The following PTPN14 variants were observed in gnomAD, a reference collection of about 807,000 sequenced individuals.
PTPN14 encodes the protein protein tyrosine phosphatase non-receptor type 14.
In PTPN14, 53 loss-of-function variants were observed where a neutral mutation model predicts 126.8. That is an observed-to-expected ratio of 0.42 (90% CI 0.34 to 0.53). PTPN14 has a LOEUF of 0.53. Ranked by LOEUF, PTPN14 falls within the 20% of genes least tolerant of loss-of-function variation. The pLI, the probability that PTPN14 is intolerant of heterozygous loss-of-function variation, is 0.08. For synonymous variants in PTPN14, 630 were observed against 599.3 expected (o/e 1.05, Z -0.75); for missense variants, 1,257 against 1,552.9 (o/e 0.81, Z 3.20).
chr1:214,517,938 C>T (rs35943353), intron 1 of PTPN14, among the ~76,000 whole-genome samples: 15,688 of 152,038 alleles, frequency 0.1, 1,167 homozygotes, highest in Non-Finnish European at 0.16. Context: ...GAGAGAGACT[C>T]AATCTCTAAA....
Position 214,472,187 on chromosome 1 carries a change from G to A in PTPN14, c.-154-7230C>T, listed in dbSNP as rs571329727. ...AATCACATGTTGAATTGTAATCCCC[G>A]ATATCAGAGGTGTTCAGGTCATAGG... On this transcript the variant is annotated intron_variant, in intron 1 of 18. Transcript: ENST00000366956. Among the ~76,000 whole-genome samples, 3 of 152,184 alleles carry A rather than the reference G, an allele frequency of 2.0e-5. No individual in the cohort carries two copies. The South Asian group carries it at 6.2e-4, about 32-fold the overall frequency.
At chr1:214,480,036 A>G (rs998985252) in intron 1 of PTPN14, among the ~76,000 whole-genome samples, 1 of 152,220 alleles carries the variant, frequency 6.6e-6, no homozygotes. Flanking sequence ...CTGTTGCATA[A>G]TATTCCAGTG....
chr1:214,365,944 C>G (rs1044189939), intron 17 of PTPN14, among the ~76,000 whole-genome samples: 2 of 152,106 alleles, frequency 1.3e-5, no homozygotes, highest in Admixed American at 6.5e-5. Context: ...GTGGGCGGAT[C>G]ACCTGAGGTC....
chr1:214,479,454 C>T (rs1660936094), intron 1 of PTPN14, among the ~76,000 whole-genome samples: 1 of 151,796 alleles, frequency 6.6e-6, no homozygotes, highest in African/African-American at 2.4e-5. Context: ...ATTCTCCTGC[C>T]TCAGTCTCCC....
chr1:214,384,711 T>C lies in PTPN14; in HGVS notation c.1144A>G (p.Thr382Ala), dbSNP rs200568435. 2 of 1,614,098 alleles carry C rather than the reference T, an allele frequency of 1.2e-6. No individual in the cohort carries two copies. The highest frequency in any genetic ancestry group is 8.5e-7 in the Non-Finnish European group (1 of 1,180,032). Residue 382 changes from threonine to alanine, a missense_variant, in exon 13 of 19, where the codon ACT becomes GCT. Thr to Ala is a moderately conservative substitution (Grantham distance 58). This residue lies in a region of PTPN14 where 1,021 missense variants were observed against 1,183.3 expected (regional missense o/e 0.86). Coordinates refer to ENST00000366956, the MANE Select transcript of PTPN14 (RefSeq NM_005401.5). The surrounding 1 kb of genome is among the most constrained non-coding windows in gnomAD (Gnocchi z 5.3). Reference protein sequence around the residue: ...NSLDLNYLNGTVTNGSVCSVH... With the variant: ...NSLDLNYLNGAVTNGSVCSVH... ...CTACACACGCTGCCATTGGTGACAGTGCCATTTAAATAATTTAAGTCCAGG... is the reference window on the plus strand; with the variant it reads ...CTACACACGCTGCCATTGGTGACAGCGCCATTTAAATAATTTAAGTCCAGG...
intron 1 of PTPN14, chr1:214,532,333 A>G: frequency 1.9e-6 from 1 of 537,008 alleles, no homozygotes; most frequent in South Asian, 1.8e-5. Flanking sequence ...GTGTCCTGCT[A>G]CACCAGCTTC....
intron 1 of PTPN14, among the ~76,000 whole-genome samples, chr1:214,505,182 GA>G (rs59339685): frequency 0.094 from 13,556 of 144,364 alleles, 731 homozygotes; most frequent in Middle Eastern, 0.15. Context: ...ACCCGCCAGG[GA>G]AAAAAAAAAA....
At chr1:214,361,093 G>C (rs757813374) in intron 18 of PTPN14, among the ~76,000 whole-genome samples, 2 of 152,156 alleles carry the variant, frequency 1.3e-5, no homozygotes, top group Non-Finnish European at 2.9e-5. Context: ...GCAGAATTAT[G>C]AGTCAACTAA....
At chr1:214,371,412 T>C (rs1166532957) in intron 16 of PTPN14, among the ~76,000 whole-genome samples, 1 of 152,114 alleles carries the variant, frequency 6.6e-6, no homozygotes, top group Non-Finnish European at 1.5e-5. Flanking sequence ...TGAATGACAG[T>C]TTTGCAGCTG....
At chr1:214,444,792 ACAG>A (rs1378551182) in intron 3 of PTPN14, among the ~76,000 whole-genome samples, 13 of 152,182 alleles carry the variant, frequency 8.5e-5, no homozygotes, top group African/African-American at 3.1e-4. Context: ...ATGAAGATAT[ACAG>A]CTTCACTTAG....
intron 1 of PTPN14, among the ~76,000 whole-genome samples, chr1:214,503,756 G>A (rs1654764454): frequency 6.6e-6 from 1 of 152,326 alleles, no homozygotes; most frequent in East Asian, 1.9e-4. Flanking sequence ...AATGTTGTGA[G>A]TCATTTTATT....
chr1:214,470,832 G>T (rs1572020850), intron 1 of PTPN14, among the ~76,000 whole-genome samples: 1 of 138,254 alleles, frequency 7.2e-6, no homozygotes, highest in African/African-American at 2.7e-5. Context: ...GGGCCAACAT[G>T]GCGAAACCCC....
chr1:214,419,022 T>G (rs1264296770), intron 3 of PTPN14, among the ~76,000 whole-genome samples: 1 of 152,218 alleles, frequency 6.6e-6, no homozygotes, highest in Non-Finnish European at 1.5e-5. Flanking sequence ...TAAATGCAGA[T>G]TTTTAAAAAG....
At chr1:214,443,143 C>A (rs1660072055) in intron 3 of PTPN14, among the ~76,000 whole-genome samples, 1 of 152,180 alleles carries the variant, frequency 6.6e-6, no homozygotes, top group Non-Finnish European at 1.5e-5. Flanking sequence ...TCTTTCACAC[C>A]ATATCTTTTT....
intron 11 of PTPN14, among the ~76,000 whole-genome samples, chr1:214,390,081 C>T (rs1658714317): frequency 6.6e-6 from 1 of 152,124 alleles, no homozygotes; most frequent in Non-Finnish European, 1.5e-5. Flanking sequence ...TAAAGACATG[C>T]TATAGTGTAT....
intron 1 of PTPN14, among the ~76,000 whole-genome samples, chr1:214,487,434 T>C (rs1457906996): frequency 6.6e-6 from 1 of 152,152 alleles, no homozygotes; most frequent in East Asian, 1.9e-4. Context: ...GAGACCAGCC[T>C]GGCCAACACG....
intron 1 of PTPN14, chr1:214,533,027 C>A (rs1655594184): frequency 2.7e-6 from 2 of 750,320 alleles, no homozygotes; most frequent in African/African-American, 1.7e-5. Context: ...GTGGTCACCA[C>A]CCAGTCCGCC....
chr1:214,471,764 C>CA (rs1388243694), intron 1 of PTPN14, among the ~76,000 whole-genome samples: 1 of 152,202 alleles, frequency 6.6e-6, no homozygotes, highest in African/African-American at 2.4e-5. Flanking sequence ...CCCACAAACT[C>CA]AGACACCTGA....
At chr1:214,482,527 G>A (rs975304949) in intron 1 of PTPN14, among the ~76,000 whole-genome samples, 11 of 151,210 alleles carry the variant, frequency 7.3e-5, no homozygotes, top group Non-Finnish European at 1.2e-4. Context: ...CACTGTAGTA[G>A]CCAATACATA....
Sources: gnomAD v4.1 joint callset for allele counts (sites outside exome capture counted in the v4.1 genomes callset) on GRCh38, gnomAD v4.1.1 for gene constraint, gnomAD v4.1.1 regional missense constraint, Gnocchi (gnomAD v3.1) non-coding constraint, MANE v1.5 for transcripts, NCBI Gene and HGNC (gene_info 2026-07-23, HGNC 2026-07-21) for gene names.